The following CAST variants were observed in gnomAD, a reference collection of about 807,000 sequenced individuals.
CAST encodes calpastatin.
In CAST, 76 loss-of-function variants were observed where a neutral mutation model predicts 119.6. The ratio of observed to expected loss-of-function variants is 0.64; its 90% CI spans 0.53 to 0.77. The LOEUF (loss-of-function observed/expected upper bound fraction) is 0.77, where lower values mean the gene tolerates loss of function less well. CAST is among the 30% of genes least tolerant of loss of function. The pLI is 0.00. For synonymous variants in CAST, 319 were observed against 331.6 expected (o/e 0.96, Z 0.41); for missense variants, 953 against 946.5 (o/e 1.01, Z -0.09).
At chr5:96,094,643 G>A in the CAST span, among the ~76,000 whole-genome samples, 4 of 152,164 alleles carry the variant, frequency 2.6e-5, no homozygotes, top group Non-Finnish European at 2.9e-5. Context: ...TAAAGATATG[G>A]AGAAAAGTTG....
At chr5:96,533,584 T>A (rs116623113) in intron 1 of CAST, among the ~76,000 whole-genome samples, 1 of 152,048 alleles carries the variant, frequency 6.6e-6, no homozygotes, top group Non-Finnish European at 1.5e-5. Flanking sequence ...CTTAGAAAAA[T>A]TGCAGATACT....
chr5:96,694,346 C>T (rs1753041726), intron 2 of CAST, among the ~76,000 whole-genome samples: 1 of 152,088 alleles, frequency 6.6e-6, no homozygotes. Flanking sequence ...CATTATAAAG[C>T]TTTATACTTG....
chr5:96,749,537 GT>G (rs1764512844), intron 19 of CAST, among the ~76,000 whole-genome samples: 1 of 152,018 alleles, frequency 6.6e-6, no homozygotes, highest in Non-Finnish European at 1.5e-5. Flanking sequence ...TGTTCTTTTT[GT>G]TTGTTTGTTT....
At chr5:96,272,396 G>T in the CAST span, among the ~76,000 whole-genome samples, 1 of 152,054 alleles carries the variant, frequency 6.6e-6, no homozygotes, top group Non-Finnish European at 1.5e-5. Flanking sequence ...AAAAAATGTG[G>T]TACATATACA....
At chr5:96,525,363 T>A (rs1350869065), upstream of CAST, 1 of 152,186 alleles carries the variant, frequency 6.6e-6, no homozygotes, top group African/African-American at 2.4e-5. Flanking sequence ...CAGATTTATA[T>A]GCCAGAGCCA....
the CAST span, among the ~76,000 whole-genome samples, chr5:96,020,404 C>A: frequency 6.6e-6 from 1 of 152,176 alleles, no homozygotes; most frequent in Non-Finnish European, 1.5e-5. Flanking sequence ...CCACAACCCC[C>A]GGGCCACAGA....
At chr5:96,417,620 A>T in the CAST span, among the ~76,000 whole-genome samples, 2 of 152,096 alleles carry the variant, frequency 1.3e-5, no homozygotes, top group African/African-American at 4.8e-5. Context: ...AGAGATGGAA[A>T]CAGAGTGCTT....
At chr5:96,029,979 A>G in the CAST span, among the ~76,000 whole-genome samples, 1 of 152,148 alleles carries the variant, frequency 6.6e-6, no homozygotes, top group Admixed American at 6.6e-5. Context: ...CTGACTTGAC[A>G]TTTCTTGTTA....
the CAST span, among the ~76,000 whole-genome samples, chr5:96,014,916 G>A: frequency 6.6e-6 from 1 of 152,086 alleles, no homozygotes; most frequent in Non-Finnish European, 1.5e-5. Context: ...TTTCCAGGAG[G>A]ACGTTAAATG....
the CAST span, among the ~76,000 whole-genome samples, chr5:96,363,052 T>C: frequency 1.3e-5 from 2 of 149,504 alleles, no homozygotes; most frequent in Non-Finnish European, 3.0e-5. Context: ...TTTCTACATA[T>C]GGCTAGCCAG....
At chr5:96,308,206 C>T in the CAST span, among the ~76,000 whole-genome samples, 1 of 151,726 alleles carries the variant, frequency 6.6e-6, no homozygotes, top group East Asian at 1.9e-4. Context: ...TTGAGTTGAT[C>T]TTCAATCTCT....
At chr5:96,444,504 C>A in the CAST span, among the ~76,000 whole-genome samples, 1 of 152,110 alleles carries the variant, frequency 6.6e-6, no homozygotes, top group South Asian at 2.1e-4. Context: ...ACCACCAAAT[C>A]ATTGTCTATA....
At chr5:96,434,628 G>GT in the CAST span, among the ~76,000 whole-genome samples, 79 of 149,340 alleles carry the variant, frequency 5.3e-4, no homozygotes, top group South Asian at 3.2e-3. Context: ...TGTTGTTGTT[G>GT]TTGTTGTTTT....
chr5:96,169,467 G>T, the CAST span, among the ~76,000 whole-genome samples: 1 of 152,218 alleles, frequency 6.6e-6, no homozygotes, highest in Non-Finnish European at 1.5e-5. Flanking sequence ...AAAACAATTT[G>T]GTTGATAAGG....
At chr5:96,410,508 C>T in the CAST span, among the ~76,000 whole-genome samples, 69 of 151,938 alleles carry the variant, frequency 4.5e-4, no homozygotes, top group Non-Finnish European at 6.6e-4. Flanking sequence ...GGAGTCTCCG[C>T]TGTGTGTAAT....
the CAST span, among the ~76,000 whole-genome samples, chr5:96,226,528 G>A: frequency 2.0e-5 from 3 of 152,020 alleles, no homozygotes; most frequent in South Asian, 2.1e-4. Context: ...GTGGTGGCAC[G>A]TGCCTGTAGT....
the CAST span, among the ~76,000 whole-genome samples, chr5:96,238,353 A>ATCT: frequency 0.09 from 10,202 of 113,358 alleles, 544 homozygotes; most frequent in East Asian, 0.17. Flanking sequence ...CTTCATCTTC[A>ATCT]TCTTCTTCTT....
chr5:96,280,721 A>G, the CAST span, among the ~76,000 whole-genome samples: 1 of 152,222 alleles, frequency 6.6e-6, no homozygotes, highest in Non-Finnish European at 1.5e-5. Flanking sequence ...CTAATATAAA[A>G]TACCAGTAGA....
chr5:96,429,179 A>G, the CAST span: 3 of 1,027,844 alleles, frequency 2.9e-6, no homozygotes, highest in Non-Finnish European at 4.6e-6. Flanking sequence ...GATAAGCTAG[A>G]GTATTGGTTT....
Sources: allele counts gnomAD v4.1 joint callset (sites outside exome capture counted in the v4.1 genomes callset), GRCh38; gene constraint gnomAD v4.1.1; transcripts MANE v1.5; gene names NCBI Gene and HGNC (gene_info 2026-07-23, HGNC 2026-07-21).